Variants in SYNPO observed in about 807,000 individuals in gnomAD.
The protein encoded by SYNPO is synaptopodin.
A neutral mutation model predicts 49.5 loss-of-function variants in SYNPO; 19 were observed. The observed-to-expected ratio is 0.38, with a 90% CI of 0.27 to 0.56. The LOEUF (loss-of-function observed/expected upper bound fraction) is 0.56. Among genes scored for constraint, SYNPO ranks in the 20% least tolerant of loss-of-function variants. The pLI, the probability that SYNPO is intolerant of heterozygous loss-of-function variation, is 0.68. For synonymous variants in SYNPO, 536 were observed against 548.0 expected (o/e 0.98, Z 0.31); for missense variants, 1,131 against 1,248.3 (o/e 0.91, Z 1.42).
chr5:150,647,707 C>A (rs1401051842), intron 1 of SYNPO, among the ~76,000 whole-genome samples: 1 of 152,184 alleles, frequency 6.6e-6, no homozygotes, highest in Non-Finnish European at 1.5e-5. Context: ...ACCAGTTAAT[C>A]CTGAGAGGAT....
chr5:150,617,487 C>T (rs773614173), intron 1 of SYNPO, among the ~76,000 whole-genome samples: 2 of 152,036 alleles, frequency 1.3e-5, no homozygotes, highest in East Asian at 1.9e-4. Context: ...GTAGAGACAG[C>T]GTTTCACCAT....
chr5:150,594,292 A>C, the SYNPO span, among the ~76,000 whole-genome samples: 1 of 152,200 alleles, frequency 6.6e-6, no homozygotes, highest in African/African-American at 2.4e-5. Flanking sequence ...AACTTGGGTC[A>C]GAGCTGGGGC....
intron 1 of SYNPO, among the ~76,000 whole-genome samples, chr5:150,605,759 T>TACACACACACAC (rs34727103): frequency 1.2e-4 from 17 of 142,156 alleles, no homozygotes; most frequent in African/African-American, 4.0e-4. Flanking sequence ...CACACACACA[T>TACACACACACAC]ACACACACAC....
intron 2 of SYNPO, among the ~76,000 whole-genome samples, chr5:150,655,431 AT>A (rs1758518672): frequency 6.6e-6 from 1 of 152,036 alleles, no homozygotes; most frequent in Non-Finnish European, 1.5e-5. Context: ...CTCAGCCTCT[AT>A]CTAGTTCTTC....
the SYNPO span, among the ~76,000 whole-genome samples, chr5:150,587,794 C>T: frequency 2.6e-5 from 4 of 152,164 alleles, no homozygotes; most frequent in Admixed American, 2.6e-4. Flanking sequence ...GTGAAACAGC[C>T]TCTGGAAAAG....
chr5:150,634,739 T>C (rs186487943), intron 2 of SYNPO, among the ~76,000 whole-genome samples: 283 of 151,948 alleles, frequency 1.9e-3, no homozygotes, highest in Non-Finnish European at 3.5e-3. Context: ...GAGGGTCACT[T>C]GTCCCTGGAA....
At chr5:150,600,357 C>T (rs745398379), upstream of SYNPO, among the ~76,000 whole-genome samples, 59 of 152,358 alleles carry the variant, frequency 3.9e-4, no homozygotes, top group Middle Eastern at 0.01. Context: ...GGCACTCTCC[C>T]AGCCCACACA....
chr5:150,647,513 T>G (rs1348013499), intron 1 of SYNPO, among the ~76,000 whole-genome samples: 1 of 152,148 alleles, frequency 6.6e-6, no homozygotes, highest in African/African-American at 2.4e-5. Flanking sequence ...CCAAAGGCCC[T>G]GGGGCAGGAA....
At chr5:150,602,295 C>T (rs527749625) in intron 1 of SYNPO, among the ~76,000 whole-genome samples, 21 of 152,328 alleles carry the variant, frequency 1.4e-4, no homozygotes, top group South Asian at 4.1e-4. Flanking sequence ...CTCCTGTCTC[C>T]GGGCCTGTTT....
At chr5:150,590,041 G>C in the SYNPO span, among the ~76,000 whole-genome samples, 1 of 152,260 alleles carries the variant, frequency 6.6e-6, no homozygotes, top group Non-Finnish European at 1.5e-5. Flanking sequence ...AGCCCGCGCA[G>C]AGGGCTGCCA....
intron 2 of SYNPO, among the ~76,000 whole-genome samples, chr5:150,624,540 G>T (rs909595538): frequency 1.5e-4 from 23 of 151,536 alleles, no homozygotes; most frequent in African/African-American, 5.3e-4. Flanking sequence ...GAGGCACAGC[G>T]AGAGGAAAGA....
chr5:150,590,326 G>A, the SYNPO span, among the ~76,000 whole-genome samples: 1 of 152,218 alleles, frequency 6.6e-6, no homozygotes, highest in South Asian at 2.1e-4. Context: ...GGGGGAGAGA[G>A]GGACCGCCAC....
the SYNPO span, among the ~76,000 whole-genome samples, chr5:150,591,847 C>T: frequency 6.6e-6 from 1 of 152,222 alleles, no homozygotes; most frequent in African/African-American, 2.4e-5. Flanking sequence ...TAGCACCCAA[C>T]TAAGACTTTC....
chr5:150,603,789 C>G (rs1313755799), intron 1 of SYNPO, among the ~76,000 whole-genome samples: 2 of 152,214 alleles, frequency 1.3e-5, no homozygotes, highest in Admixed American at 6.5e-5. Context: ...TGACCCTAGG[C>G]AAGCTCCTTG....
the SYNPO span, among the ~76,000 whole-genome samples, chr5:150,593,793 T>C: frequency 6.6e-6 from 1 of 152,196 alleles, no homozygotes. Flanking sequence ...AACATTTGTG[T>C]CTGTTCTGGT....
At chr5:150,621,322 G>C (rs1183796175) in intron 2 of SYNPO, among the ~76,000 whole-genome samples, 3 of 152,164 alleles carry the variant, frequency 2.0e-5, no homozygotes, top group Non-Finnish European at 4.4e-5. Flanking sequence ...AGGGACAGAG[G>C]GGGCAGAAAA....
upstream of SYNPO, among the ~76,000 whole-genome samples, chr5:150,599,708 G>T (rs551005852): frequency 1.3e-5 from 2 of 152,198 alleles, no homozygotes; most frequent in African/African-American, 4.8e-5. Context: ...GGGGTCGGCG[G>T]TGGGGGCTTG....
intron 1 of SYNPO, among the ~76,000 whole-genome samples, chr5:150,608,750 C>T (rs1756762515): frequency 1.3e-5 from 2 of 152,118 alleles, no homozygotes; most frequent in African/African-American, 4.8e-5. Context: ...GTCCTACCCC[C>T]AGAAGCTGTG....
the SYNPO span, among the ~76,000 whole-genome samples, chr5:150,586,571 AGGATGGATGGAT>A: frequency 8.0e-5 from 12 of 149,696 alleles, no homozygotes; most frequent in East Asian, 2.0e-4. Flanking sequence ...GGTGGATGGA[AGGATGGATGGAT>A]GGATGGATGG....
Sources: allele counts gnomAD v4.1 joint callset (sites outside exome capture counted in the v4.1 genomes callset), GRCh38; gene constraint gnomAD v4.1.1; transcripts MANE v1.5; gene names NCBI Gene and HGNC (gene_info 2026-07-23, HGNC 2026-07-21).